QTMAN: variants seen among roughly 807,000 people sequenced by gnomAD.
QTMAN encodes tRNA-queuosine alpha-mannosyltransferase.
chr2:144,134,137 C>A, the QTMAN span, among the ~76,000 whole-genome samples: 10,431 of 152,146 alleles, frequency 0.069, 637 homozygotes, highest in African/African-American at 0.17. Context: ...CACAAATTCT[C>A]GAATTACAAA....
the QTMAN span, among the ~76,000 whole-genome samples, chr2:144,233,446 GA>G: frequency 1.3e-5 from 2 of 152,168 alleles, no homozygotes; most frequent in East Asian, 3.9e-4. Flanking sequence ...GAAGAAAGAG[GA>G]AGAGAAGAGG....
the QTMAN span, among the ~76,000 whole-genome samples, chr2:144,056,021 A>T: frequency 2.0e-5 from 3 of 152,106 alleles, no homozygotes; most frequent in Admixed American, 6.5e-5. Flanking sequence ...CCTGCTTCGG[A>T]TGGTTATTTT....
the QTMAN span, among the ~76,000 whole-genome samples, chr2:143,982,234 C>T: frequency 2.0e-5 from 3 of 150,186 alleles, no homozygotes; most frequent in Non-Finnish European, 4.5e-5. Context: ...TTCTTTCTTT[C>T]TCTTTTTTTT....
At chr2:144,192,114 T>C in the QTMAN span, among the ~76,000 whole-genome samples, 19 of 152,100 alleles carry the variant, frequency 1.2e-4, no homozygotes, top group Admixed American at 1.0e-3. Context: ...AACTCCTTTT[T>C]TTTTTTCTTT....
the QTMAN span, among the ~76,000 whole-genome samples, chr2:144,103,764 A>AT: frequency 6.6e-6 from 1 of 152,238 alleles, no homozygotes; most frequent in Non-Finnish European, 1.5e-5. Context: ...CTGTCCAAAA[A>AT]TTCTATTAAT....
the QTMAN span, among the ~76,000 whole-genome samples, chr2:144,098,243 C>T: frequency 2.0e-5 from 3 of 152,178 alleles, no homozygotes; most frequent in African/African-American, 7.2e-5. Flanking sequence ...AAAGTTTAGA[C>T]AGTAATTACA....
At chr2:144,262,110 GAT>G in the QTMAN span, among the ~76,000 whole-genome samples, 1 of 152,060 alleles carries the variant, frequency 6.6e-6, no homozygotes, top group African/African-American at 2.4e-5. Context: ...TGGCAACAAT[GAT>G]ATATACATAA....
At chr2:144,062,766 T>C in the QTMAN span, among the ~76,000 whole-genome samples, 1 of 152,208 alleles carries the variant, frequency 6.6e-6, no homozygotes, top group Non-Finnish European at 1.5e-5. Flanking sequence ...TTGAGATAGG[T>C]AGAGATCAGT....
At chr2:144,182,271 A>C in the QTMAN span, among the ~76,000 whole-genome samples, 2 of 152,282 alleles carry the variant, frequency 1.3e-5, no homozygotes, top group Admixed American at 1.3e-4. Context: ...TAAATTGTCT[A>C]CCTTTTCTTA....
chr2:144,202,966 G>A, the QTMAN span, among the ~76,000 whole-genome samples: 3 of 152,296 alleles, frequency 2.0e-5, no homozygotes, highest in South Asian at 6.2e-4. Context: ...TTTTGAATTG[G>A]CAACCTGTGG....
chr2:144,184,364 A>G, the QTMAN span, among the ~76,000 whole-genome samples: 1 of 152,194 alleles, frequency 6.6e-6, no homozygotes, highest in Non-Finnish European at 1.5e-5. Context: ...AGAGCTTAAA[A>G]GAAAGATAAT....
chr2:144,135,833 T>C, the QTMAN span, among the ~76,000 whole-genome samples: 19 of 152,206 alleles, frequency 1.2e-4, no homozygotes, highest in African/African-American at 4.6e-4. Flanking sequence ...TATCTATATG[T>C]GTGATCACTG....
chr2:144,171,153 G>C, the QTMAN span, among the ~76,000 whole-genome samples: 2 of 152,090 alleles, frequency 1.3e-5, no homozygotes, highest in Admixed American at 6.6e-5. Context: ...TATATGAAGA[G>C]AGCTTAAAAC....
At chr2:143,946,397 T>G in the QTMAN span, 1 of 152,316 alleles carries the variant, frequency 6.6e-6, no homozygotes, top group Non-Finnish European at 1.5e-5. Flanking sequence ...AGACCTCTTA[T>G]TAATACCTTC....
the QTMAN span, among the ~76,000 whole-genome samples, chr2:144,042,477 C>T: frequency 1.3e-5 from 2 of 151,986 alleles, no homozygotes; most frequent in African/African-American, 2.4e-5. Flanking sequence ...CAATGAAGGC[C>T]GGGCGTGGTG....
the QTMAN span, among the ~76,000 whole-genome samples, chr2:144,135,666 C>T: frequency 1.3e-5 from 2 of 152,100 alleles, no homozygotes; most frequent in South Asian, 4.1e-4. Context: ...AATTTTCTGT[C>T]AGTTCATTTT....
the QTMAN span, among the ~76,000 whole-genome samples, chr2:144,179,336 CAT>C: frequency 4.6e-5 from 7 of 152,254 alleles, no homozygotes; most frequent in East Asian, 1.2e-3. Flanking sequence ...TATATTTCCA[CAT>C]GTTAATTGAA....
the QTMAN span, among the ~76,000 whole-genome samples, chr2:143,959,830 A>G: frequency 3.3e-5 from 5 of 152,104 alleles, no homozygotes; most frequent in African/African-American, 1.2e-4. Context: ...TAATATTTCT[A>G]TAATGATTTT....
the QTMAN span, among the ~76,000 whole-genome samples, chr2:144,019,566 T>C: frequency 6.6e-6 from 1 of 152,054 alleles, no homozygotes; most frequent in East Asian, 1.9e-4. Flanking sequence ...GGTTCCTCTA[T>C]ATAGAGGTAC....
Sources: gnomAD v4.1 joint callset for allele counts (sites outside exome capture counted in the v4.1 genomes callset) on GRCh38, gnomAD v4.1.1 for gene constraint, MANE v1.5 for transcripts, NCBI Gene and HGNC (gene_info 2026-07-23, HGNC 2026-07-21) for gene names.